The following RYR1 variants were observed in gnomAD, a reference collection of about 807,000 sequenced individuals.
RYR1 encodes the protein central core disease of muscle.
RYR1 carries 342 observed loss-of-function variants against 583.5 expected under a neutral mutation model. That is an observed-to-expected ratio of 0.59 (90% CI 0.54 to 0.64). The LOEUF (loss-of-function observed/expected upper bound fraction) is 0.64, where lower values mean the gene tolerates loss of function less well. RYR1 is among the 30% of genes least tolerant of loss of function. The pLI is 0.00. For missense variants in RYR1, 6,032 were observed against 6,917.2 expected, an observed-to-expected ratio of 0.87 and a Z score of 4.54; for synonymous variants, 2,791 against 2,822.5, an observed-to-expected ratio of 0.99 and a Z score of 0.35.
Position 38,439,743 on chromosome 19 carries a change from A to G in RYR1, c.46-1002A>G, listed in dbSNP as rs141261528. Among the ~76,000 whole-genome samples, 1,091 of 151,052 alleles carry G rather than the reference A, an allele frequency of 7.2e-3. 23 individuals carry two copies. Among genetic ancestry groups the G allele is most frequent in the African/African-American group, 0.025 (1,022 of 41,120 alleles). ...GGCTGGTCTCGAACTCCTGACCTCA[A>G]GTGATCCACCTCCTCGGCCTCCCAG... On this transcript the variant is annotated intron_variant, in intron 1 of 105. Transcript: ENST00000359596.
Position 38,505,094 on chromosome 19 carries a change from GTCCTCCTA to G in RYR1, c.8310+17_8310+24del. On this transcript the variant is annotated intron_variant, in intron 52 of 105. Coordinates refer to ENST00000359596, the MANE Select transcript of RYR1 (RefSeq NM_000540.3). Reference sequence around the variant, plus strand: ...GGCCTTCGACAAGGTTGGCCTCAGGGTCCTCCTATCCAAGAAACCCTCAAGACCCCAGC... The same window carrying G: ...GGCCTTCGACAAGGTTGGCCTCAGGGTCCAAGAAACCCTCAAGACCCCAGC... 6.2e-7 allele frequency: 1 copy of G among 1,613,108 alleles called. No homozygotes were observed. Among genetic ancestry groups the G allele is most frequent in the Non-Finnish European group, 8.5e-7 (1 of 1,179,156 alleles).
chr19:38,542,837 A>G (rs893844158), intron 84 of RYR1, among the ~76,000 whole-genome samples: 6 of 145,084 alleles, frequency 4.1e-5, no homozygotes, highest in African/African-American at 1.5e-4. Flanking sequence ...AAAATTATTT[A>G]TTTATTTATT....
Position 38,499,017 on chromosome 19 carries a change from CCGCAG to C in RYR1, c.6892-90_6892-86del. The C allele has an allele frequency of 1.9e-6, 3 of 1,543,568 alleles. No homozygotes were observed. The highest frequency in any genetic ancestry group is 2.3e-5 in the East Asian group (1 of 43,588). ...ATCAGAGCTGAACCGGACTGAGGAG[CCGCAG>C]GGCAGGGCAGGGCAGGGCAGAGGGC... On this transcript the variant is annotated intron_variant, in intron 42 of 105. Coordinates refer to ENST00000359596, the MANE Select transcript of RYR1 (RefSeq NM_000540.3). The surrounding 1 kb of genome is among the most constrained non-coding windows in gnomAD (Gnocchi z 7.3).
intron 100 of RYR1, 69 bp downstream of exon 100, chr19:38,580,197 T>C: frequency 6.2e-7 from 1 of 1,609,970 alleles, no homozygotes; most frequent in Non-Finnish European, 8.5e-7. Flanking sequence ...GGTGAAGGGA[T>C]AAGGGCCGGG....
chr19:38,479,959 A>G (rs1266738705), intron 31 of RYR1, among the ~76,000 whole-genome samples: 1 of 152,072 alleles, frequency 6.6e-6, no homozygotes, highest in Non-Finnish European at 1.5e-5. Flanking sequence ...GTCTCAAGCA[A>G]TCCTTCTGCC....
intron 84 of RYR1, among the ~76,000 whole-genome samples, chr19:38,539,691 C>T (rs987948682): frequency 1.3e-5 from 2 of 152,138 alleles, no homozygotes; most frequent in Non-Finnish European, 2.9e-5. Flanking sequence ...ACCCAGTCCT[C>T]GCCTAAATTC....
chr19:38,435,281 C>T (rs1413406776), intron 1 of RYR1, among the ~76,000 whole-genome samples: 1 of 152,198 alleles, frequency 6.6e-6, no homozygotes, highest in African/African-American at 2.4e-5. Context: ...TCTGGATGCC[C>T]CTGGTGCCCA....
At chr19:38,571,575 T>G (rs1438975596) in intron 94 of RYR1, among the ~76,000 whole-genome samples, 1 of 152,034 alleles carries the variant, frequency 6.6e-6, no homozygotes, top group Non-Finnish European at 1.5e-5. Flanking sequence ...AGGCAAAGGT[T>G]GCAGTGAGCC....
At position 38,517,557 on chromosome 19, in the gene RYR1, C is replaced by T; in HGVS notation, c.9884C>T (p.Ala3295Val). ...CGCGGGCCCGAGGCACCCCCTTCCG[C>T]CCTGCCCGCCGGCGCCCCCCCACCC... ...WERGPEAPPS[A>V]LPAGAPPPCT... Residue 3295 changes from alanine (A) to valine (V), a missense_variant, in exon 66 of 106, where the codon GCC becomes GTC. Around this residue, in one of 11 missense-constraint regions of RYR1, gnomAD observed 1,493 missense variants for 1,715.5 expected, o/e 0.87. Coordinates refer to ENST00000359596, the MANE Select transcript of RYR1 (RefSeq NM_000540.3). 6.2e-7 allele frequency: 1 copy of T among 1,613,802 alleles called. No individual in the cohort carries two copies. Among genetic ancestry groups the T allele is most frequent in the South Asian group, 1.1e-5 (1 of 91,080 alleles).
chr19:38,565,950 G>A lies in RYR1; in HGVS notation c.13437+179G>A, dbSNP rs1011562697. ...CGGGGACAGCGGGCGCCGGGCAAGA[G>A]AGACGCTCAGAGACAGAGGGATACT... On this transcript the variant is annotated intron_variant, in intron 91 of 105. Coordinates refer to ENST00000359596, the MANE Select transcript of RYR1 (RefSeq NM_000540.3). The surrounding 1 kb of genome is among the most constrained non-coding windows in gnomAD (Gnocchi z 4.7). Among the ~76,000 whole-genome samples the A allele has an allele frequency of 1.3e-5, 2 of 152,044 alleles. No homozygotes were observed. Among genetic ancestry groups the A allele is most frequent in the African/African-American group, 4.8e-5 (2 of 41,384 alleles).
intron 96 of RYR1, among the ~76,000 whole-genome samples, chr19:38,574,068 A>ATCTCTACTAAAAATACAAAAATTAG (rs1973846651): frequency 3.3e-5 from 5 of 151,954 alleles, no homozygotes; most frequent in Non-Finnish European, 5.9e-5. Context: ...GTGAAACCCC[A>ATCTCTACTAAAAATACAAAAATTAG]TCTCTACTAA....
At chr19:38,570,009 C>T (rs1568590630) in intron 93 of RYR1, among the ~76,000 whole-genome samples, 1 of 152,080 alleles carries the variant, frequency 6.6e-6, no homozygotes, top group Non-Finnish European at 1.5e-5. Flanking sequence ...ACTGAAAATA[C>T]AAAAACTAAC....
At chr19:38,450,659 C>T (rs1029126839) in intron 11 of RYR1, among the ~76,000 whole-genome samples, 2 of 151,998 alleles carry the variant, frequency 1.3e-5, no homozygotes, top group African/African-American at 4.8e-5. Flanking sequence ...CCAGTTGTGC[C>T]ATTTGCATAG....
chr19:38,486,296 T>A, intron 34 of RYR1, 94 bp downstream of exon 34: 12 of 1,462,166 alleles, frequency 8.2e-6, no homozygotes, highest in Admixed American at 3.3e-5. Flanking sequence ...TATTTATGCA[T>A]CCAACCACCC....
At chr19:38,532,892 C>T (rs1034793158) in intron 78 of RYR1, among the ~76,000 whole-genome samples, 156 bp downstream of exon 78, 1 of 152,150 alleles carries the variant, frequency 6.6e-6, no homozygotes, top group Non-Finnish European at 1.5e-5. Context: ...GCCAAACTAA[C>T]ACCACGGAGT....
At chr19:38,466,438 C>G (rs1354441622) in intron 24 of RYR1, 40 bp downstream of exon 24, 2 of 1,526,634 alleles carry the variant, frequency 1.3e-6, no homozygotes, top group Non-Finnish European at 1.8e-6. Context: ...ACTCCTACCC[C>G]AACTCTGACC....
At chr19:38,506,278 TC>T (rs1350418779) in intron 54 of RYR1, 24 bp from the exon 55 acceptor site, 1 of 1,612,872 alleles carries the variant, frequency 6.2e-7, no homozygotes. Context: ...TCAGCCCACC[TC>T]CCATCTTCCC....
At chr19:38,433,973 C>T in intron 1 of RYR1, 99 bp downstream of exon 1, 1 of 1,056,884 alleles carries the variant, frequency 9.5e-7, no homozygotes, top group South Asian at 1.2e-5. Flanking sequence ...CTGGTGGTCT[C>T]TGAGACTCGA....
chr19:38,509,493 C>T (rs1259966564), intron 58 of RYR1, among the ~76,000 whole-genome samples: 2 of 145,650 alleles, frequency 1.4e-5, no homozygotes, highest in African/African-American at 5.1e-5. Context: ...TGCTCTGTCA[C>T]CCAGGTTGGA....
Sources: gnomAD v4.1 joint callset for allele counts (sites outside exome capture counted in the v4.1 genomes callset) on GRCh38, gnomAD v4.1.1 for gene constraint, gnomAD v4.1.1 regional missense constraint, Gnocchi (gnomAD v3.1) non-coding constraint, MANE v1.5 for transcripts, NCBI Gene and HGNC (gene_info 2026-07-23, HGNC 2026-07-21) for gene names.